Variants in EDA observed in about 807,000 individuals in gnomAD.
EDA encodes ectodysplasin A, also known as ectodysplasin-A.
Under a neutral mutation model 23.6 loss-of-function variants are expected in EDA, and 2 were observed. The observed-to-expected ratio is 0.08, with a 90% CI of 0.03 to 0.27. The LOEUF (loss-of-function observed/expected upper bound fraction) is 0.27, where lower values mean the gene tolerates loss of function less well. Ranked by LOEUF, EDA falls within the 10% of genes least tolerant of loss-of-function variation. The pLI, the probability that EDA is intolerant of heterozygous loss-of-function variation, is 1.00. For synonymous variants in EDA, 131 were observed against 132.0 expected (o/e 0.99, Z 0.05); for missense variants, 229 against 324.2 (o/e 0.71, Z 2.26).
chrX:69,932,322 CTTA>C (rs1213508828), intron 1 of EDA, among the ~76,000 whole-genome samples: 2 of 111,291 alleles, frequency 1.8e-5, no homozygotes, highest in African/African-American at 3.3e-5. Context: ...TATGTAAAAA[CTTA>C]AATATGTACA....
At chrX:69,744,316 A>G (rs767293911) in intron 1 of EDA, among the ~76,000 whole-genome samples, 2 of 112,083 alleles carry the variant, frequency 1.8e-5, no homozygotes, top group South Asian at 7.5e-4. Context: ...GGCTCAAAAC[A>G]GTGAAGTATC....
chrX:69,830,571 T>G (rs1158995848), intron 1 of EDA, among the ~76,000 whole-genome samples: 1 of 110,857 alleles, frequency 9.0e-6, no homozygotes, highest in Non-Finnish European at 1.9e-5. Flanking sequence ...CCTTTGAAAA[T>G]CAAAAAAAAG....
intron 1 of EDA, among the ~76,000 whole-genome samples, chrX:69,882,708 C>CTT (rs372764572): frequency 3.3e-4 from 34 of 104,236 alleles, no homozygotes; most frequent in East Asian, 1.5e-3. Flanking sequence ...TTTGTAACTA[C>CTT]TTTTTTTTTT....
chrX:69,679,932 T>G (rs1421362755), intron 1 of EDA, among the ~76,000 whole-genome samples: 1 of 106,025 alleles, frequency 9.4e-6, no homozygotes, highest in Non-Finnish European at 1.9e-5. Flanking sequence ...ATTTTGGATC[T>G]TTCCTGCTTT....
chrX:69,797,494 A>C (rs1282394862), intron 1 of EDA, among the ~76,000 whole-genome samples: 1 of 111,407 alleles, frequency 9.0e-6, no homozygotes, highest in African/African-American at 3.3e-5. Flanking sequence ...TACTATACCC[A>C]GCAAAATTGC....
chrX:69,788,215 A>G (rs1174303941), intron 1 of EDA, among the ~76,000 whole-genome samples: 1 of 111,686 alleles, frequency 9.0e-6, no homozygotes, highest in Non-Finnish European at 1.9e-5. Flanking sequence ...CAAAGTTTTC[A>G]ACTTCTTTGC....
chrX:69,911,738 A>T (rs1325544675), intron 1 of EDA, among the ~76,000 whole-genome samples: 1 of 112,265 alleles, frequency 8.9e-6, no homozygotes, highest in African/African-American at 3.2e-5. Flanking sequence ...AAAAAAACAA[A>T]CTACATACCT....
At chrX:69,616,768 C>A in intron 1 of EDA, 64 bp downstream of exon 1, 1 of 1,190,489 alleles carries the variant, frequency 8.4e-7, no homozygotes. Context: ...GGGCCCTCCG[C>A]CACAGGGGCC....
At chrX:69,742,959 G>A (rs746262159) in intron 1 of EDA, 1 of 111,094 alleles carries the variant, frequency 9.0e-6, no homozygotes, top group Admixed American at 9.6e-5. Context: ...CTGTAAGTTA[G>A]ATTCCCAGTC....
At chrX:69,687,094 T>C (rs1480940072) in intron 1 of EDA, among the ~76,000 whole-genome samples, 3 of 111,782 alleles carry the variant, frequency 2.7e-5, no homozygotes, top group African/African-American at 9.7e-5. Context: ...CTTGTTATTG[T>C]CTATTTTTTA....
intron 1 of EDA, among the ~76,000 whole-genome samples, chrX:69,850,797 C>A (rs2017108687): frequency 8.9e-6 from 1 of 112,411 alleles, no homozygotes; most frequent in Non-Finnish European, 1.9e-5. Flanking sequence ...TATTCTCTAG[C>A]CACATTGAAT....
chrX:69,697,977 C>T (rs1364140526), intron 1 of EDA, among the ~76,000 whole-genome samples: 1 of 111,759 alleles, frequency 8.9e-6, no homozygotes, highest in Non-Finnish European at 1.9e-5. Flanking sequence ...TTTGTTGTTG[C>T]GGGAGCATTT....
intron 2 of EDA, among the ~76,000 whole-genome samples, chrX:69,974,962 TAAC>T (rs769307103): frequency 4.5e-5 from 5 of 111,475 alleles, no homozygotes; most frequent in African/African-American, 1.6e-4. Flanking sequence ...AGTCAAAAAA[TAAC>T]AAATGCTAGT....
At chrX:69,686,043 T>C (rs758631978) in intron 1 of EDA, among the ~76,000 whole-genome samples, 1 of 112,569 alleles carries the variant, frequency 8.9e-6, no homozygotes, top group South Asian at 3.7e-4. Context: ...AGTCTTGCCC[T>C]TGTTGCCCAG....
chrX:69,913,415 C>T (rs913481614), intron 1 of EDA, among the ~76,000 whole-genome samples: 5 of 112,378 alleles, frequency 4.4e-5, no homozygotes, highest in Admixed American at 9.4e-5. Flanking sequence ...TTCCTTAAGC[C>T]GCAAGAACCA....
intron 1 of EDA, among the ~76,000 whole-genome samples, chrX:69,682,592 C>T (rs951228791): frequency 2.7e-5 from 3 of 112,017 alleles, no homozygotes; most frequent in Non-Finnish European, 5.6e-5. Flanking sequence ...TTCCAGGTGC[C>T]GTCTGTCACT....
intron 2 of EDA, among the ~76,000 whole-genome samples, chrX:69,995,651 A>G (rs774458491): frequency 3.8e-4 from 43 of 112,757 alleles, no homozygotes; most frequent in Admixed American, 3.5e-3. Context: ...GGGAAGAGCC[A>G]GCAGTAGACT....
intron 2 of EDA, among the ~76,000 whole-genome samples, chrX:69,958,752 G>T (rs1176284562): frequency 1.8e-5 from 2 of 111,514 alleles, no homozygotes; most frequent in Non-Finnish European, 3.8e-5. Flanking sequence ...TTCTGGCTAT[G>T]TGGAAGCAGG....
chrX:69,672,910 A>G (rs1933953081), intron 1 of EDA, among the ~76,000 whole-genome samples: 1 of 109,865 alleles, frequency 9.1e-6, no homozygotes, highest in African/African-American at 3.3e-5. Context: ...GCAGAAAGTG[A>G]AAAAGAAAAC....
Sources: allele counts gnomAD v4.1 joint callset (sites outside exome capture counted in the v4.1 genomes callset), GRCh38; gene constraint gnomAD v4.1.1; transcripts MANE v1.5; gene names NCBI Gene and HGNC (gene_info 2026-07-23, HGNC 2026-07-21).